Variants in PRKCA observed in about 807,000 individuals in gnomAD.
PRKCA encodes protein kinase C alpha, also known as protein kinase C alpha type.
PRKCA carries 27 observed loss-of-function variants against 87.0 expected under a neutral mutation model. That is an observed-to-expected ratio of 0.31 (90% CI 0.23 to 0.43). The LOEUF is 0.43. PRKCA is among the 20% of genes least tolerant of loss of function. PRKCA has a pLI of 1.00. For synonymous variants in PRKCA, 329 were observed against 311.1 expected (o/e 1.06, Z -0.61); for missense variants, 518 against 852.3 (o/e 0.61, Z 4.88).
intron 3 of PRKCA, among the ~76,000 whole-genome samples, chr17:66,561,764 G>A (rs568465819): frequency 6.6e-6 from 1 of 152,180 alleles, no homozygotes; most frequent in East Asian, 1.9e-4. Context: ...GCTACAGTGT[G>A]GATGAACCCT....
At chr17:66,548,518 C>T (rs939729425) in intron 3 of PRKCA, among the ~76,000 whole-genome samples, 1 of 152,210 alleles carries the variant, frequency 6.6e-6, no homozygotes, top group African/African-American at 2.4e-5. Context: ...AGGTATTTCT[C>T]ACTTAATCTT....
At chr17:66,664,193 G>A (rs904246470) in intron 5 of PRKCA, among the ~76,000 whole-genome samples, 5 of 152,068 alleles carry the variant, frequency 3.3e-5, no homozygotes, top group African/African-American at 1.2e-4. Context: ...TGATGCCCTG[G>A]GATTGGTGGT....
intron 2 of PRKCA, among the ~76,000 whole-genome samples, chr17:66,406,907 C>A (rs570463044): frequency 6.6e-6 from 1 of 152,200 alleles, no homozygotes; most frequent in East Asian, 1.9e-4. Flanking sequence ...TTGCTGGCAA[C>A]TTCTTGATCT....
intron 2 of PRKCA, among the ~76,000 whole-genome samples, chr17:66,363,806 G>A (rs1337718095): frequency 1.3e-5 from 2 of 152,272 alleles, no homozygotes; most frequent in Non-Finnish European, 2.9e-5. Context: ...GGGTTCAAAC[G>A]ATTCTTCTGC....
chr17:66,325,689 G>C (rs1905938633), intron 2 of PRKCA, among the ~76,000 whole-genome samples: 1 of 152,084 alleles, frequency 6.6e-6, no homozygotes, highest in Non-Finnish European at 1.5e-5. Flanking sequence ...GTGTAGAGAA[G>C]AGAGAAAAAG....
chr17:66,626,605 C>T (rs900375034), intron 3 of PRKCA, among the ~76,000 whole-genome samples: 3 of 151,464 alleles, frequency 2.0e-5, no homozygotes, highest in African/African-American at 7.3e-5. Flanking sequence ...CTGCTGACCT[C>T]GTGATCCGCC....
chr17:66,554,936 GTGGCACGA>G (rs1348698998), intron 3 of PRKCA, among the ~76,000 whole-genome samples: 1 of 151,032 alleles, frequency 6.6e-6, no homozygotes, highest in African/African-American at 2.4e-5. Context: ...CTGGAGAGCA[GTGGCACGA>G]TCTCAGCTCA....
chr17:66,803,180 G>A lies in PRKCA; in HGVS notation c.1855-693G>A, dbSNP rs1598019807. Among the ~76,000 whole-genome samples the A allele has an allele frequency of 2.0e-5, 3 of 152,168 alleles. No individual in the cohort carries two copies. Among genetic ancestry groups the A allele is most frequent in the East Asian group, 3.9e-4 (2 of 5,162 alleles). ...AGGCCTCTCCCTGCCTCCCCAGGGC[G>A]CCATGCAAACATCCTCCAGCCTGAG... is the stretch of plus-strand genomic sequence containing the variant. On this transcript the variant is annotated intron_variant, in intron 16 of 16. Transcript: ENST00000413366. This position sits in a 1 kb window ranked among gnomAD's most constrained non-coding sequence, Gnocchi z 4.4.
At chr17:66,626,528 A>ATT (rs71160584) in intron 3 of PRKCA, among the ~76,000 whole-genome samples, 1,722 of 142,898 alleles carry the variant, frequency 0.012, 19 homozygotes, top group Middle Eastern at 0.026. Context: ...AGCCCGGCTA[A>ATT]TTTTTTTTTT....
At chr17:66,581,833 C>T (rs1969446137) in intron 3 of PRKCA, among the ~76,000 whole-genome samples, 1 of 152,152 alleles carries the variant, frequency 6.6e-6, no homozygotes, top group East Asian at 1.9e-4. Flanking sequence ...AGAACATTTT[C>T]TTAGTAAATA....
chr17:66,734,432 T>C (rs967905539), intron 9 of PRKCA, among the ~76,000 whole-genome samples: 8 of 152,206 alleles, frequency 5.3e-5, no homozygotes, highest in Non-Finnish European at 1.2e-4. Context: ...CTATATAAGG[T>C]AACTTCTGGG....
chr17:66,496,004 G>T (rs1422677427), intron 2 of PRKCA, among the ~76,000 whole-genome samples, 197 bp from the exon 3 acceptor site: 1 of 152,060 alleles, frequency 6.6e-6, no homozygotes. Flanking sequence ...TGGCATTTTG[G>T]GACTCTGTTA....
chr17:66,787,819 G>T (rs1975439049), intron 15 of PRKCA, among the ~76,000 whole-genome samples: 1 of 152,134 alleles, frequency 6.6e-6, no homozygotes, highest in South Asian at 2.1e-4. Flanking sequence ...TGGCCTGGCT[G>T]CTTTCACTCA....
intron 2 of PRKCA, among the ~76,000 whole-genome samples, chr17:66,314,218 C>T (rs538554762): frequency 6.6e-6 from 1 of 152,150 alleles, no homozygotes; most frequent in African/African-American, 2.4e-5. Flanking sequence ...TGAAACATTT[C>T]TTGGTGACAT....
At chr17:66,496,367 T>G (rs1916474464) in intron 3 of PRKCA, 84 bp downstream of exon 3, 1 of 1,164,676 alleles carries the variant, frequency 8.6e-7, no homozygotes, top group South Asian at 1.3e-5. Flanking sequence ...CTGTTAGTTT[T>G]GGCACTTACT....
chr17:66,678,665 G>GAAAA (rs34094513), intron 5 of PRKCA, among the ~76,000 whole-genome samples: 1 of 138,918 alleles, frequency 7.2e-6, no homozygotes, highest in African/African-American at 2.6e-5. Context: ...CTTGTTGACT[G>GAAAA]AAAAAAAAAA....
chr17:66,722,640 G>A (rs1460411068), intron 8 of PRKCA, among the ~76,000 whole-genome samples: 1 of 152,200 alleles, frequency 6.6e-6, no homozygotes, highest in Non-Finnish European at 1.5e-5. Flanking sequence ...TATAAAGTGA[G>A]ACGTGTCAGT....
chr17:66,741,140 G>A (rs1200999105), intron 11 of PRKCA, among the ~76,000 whole-genome samples: 1 of 152,146 alleles, frequency 6.6e-6, no homozygotes, highest in Admixed American at 6.5e-5. Context: ...GGTAGTTACT[G>A]CTTTTTATTA....
intron 8 of PRKCA, among the ~76,000 whole-genome samples, chr17:66,711,616 G>A (rs139263341): frequency 6.6e-6 from 1 of 152,282 alleles, no homozygotes; most frequent in Admixed American, 6.5e-5. Flanking sequence ...TATTGCCTGT[G>A]TTCGTAATTA....
Sources: gnomAD v4.1 joint callset for allele counts (sites outside exome capture counted in the v4.1 genomes callset) on GRCh38, gnomAD v4.1.1 for gene constraint, Gnocchi (gnomAD v3.1) non-coding constraint, MANE v1.5 for transcripts, NCBI Gene and HGNC (gene_info 2026-07-23, HGNC 2026-07-21) for gene names.